Variants in SMARCA2 observed in about 807,000 individuals in gnomAD.
SMARCA2 encodes the protein SWI/SNF-related matrix-associated actin-dependent regulator of chromatin subfamily A member 2.
Under a neutral mutation model 199.8 loss-of-function variants are expected in SMARCA2, and 61 were observed. That is an observed-to-expected ratio of 0.31 (90% CI 0.25 to 0.38). The LOEUF is 0.38. Ranked by LOEUF, SMARCA2 falls within the 10% of genes least tolerant of loss-of-function variation. SMARCA2 has a pLI of 1.00. For synonymous variants in SMARCA2, 935 were observed against 732.0 expected, an observed-to-expected ratio of 1.28 and a Z score of -4.48; for missense variants, 1,344 against 2,012.2, an observed-to-expected ratio of 0.67 and a Z score of 6.35.
In SMARCA2 at chr9:2,086,266, A is replaced by G. The variant is rs1396589730; in HGVS notation, c.2527-563A>G. 6.6e-6 allele frequency among the ~76,000 whole-genome samples: 1 copy of G among 152,256 alleles called. No homozygotes were observed. Among genetic ancestry groups the G allele is most frequent in the East Asian group, 1.9e-4 (1 of 5,204 alleles). The stretch of plus-strand genomic sequence containing the variant: ...GTCCAACTTTTAAATGTTAGCAACC[A>G]GTCCAAACAAAACAAAACACACTTC... On this transcript the variant is annotated intron_variant, in intron 17 of 33. Coordinates refer to ENST00000349721, the MANE Select transcript of SMARCA2 (RefSeq NM_003070.5). This position sits in a 1 kb window ranked among gnomAD's most constrained non-coding sequence, Gnocchi z 4.3.
At chr9:2,093,954 C>G (rs565059579) in intron 19 of SMARCA2, among the ~76,000 whole-genome samples, 1 of 152,276 alleles carries the variant, frequency 6.6e-6, no homozygotes, top group African/African-American at 2.4e-5. Flanking sequence ...TTCAGCATGT[C>G]TTCTTGTTTT....
At chr9:2,120,020 A>T (rs943056706) in intron 26 of SMARCA2, among the ~76,000 whole-genome samples, 3 of 152,242 alleles carry the variant, frequency 2.0e-5, no homozygotes, top group African/African-American at 7.2e-5. Flanking sequence ...CATGCTCCTT[A>T]GGGAGATAGG....
chr9:2,065,035 A>T (rs1354364868), intron 9 of SMARCA2, among the ~76,000 whole-genome samples: 2 of 152,274 alleles, frequency 1.3e-5, no homozygotes, highest in East Asian at 3.9e-4. Flanking sequence ...AATACAAAAA[A>T]TTAGCCGGGC....
chr9:2,161,615 A>G lies in SMARCA2; in HGVS notation c.3982-71A>G. The G allele has an allele frequency of 9.8e-7, 1 of 1,018,412 alleles. No homozygotes were observed. The highest frequency in any genetic ancestry group is 1.6e-5 in the African/African-American group (1 of 61,812). The allele number at this position is 1,018,412 out of a possible 1,614,324, so 63.1% of individuals were successfully genotyped here. ...TTCTAATTGTTGGAGCTATATATAA[A>G]TATACACATACTTTTTTTGTCTTGG... On this transcript the variant is annotated intron_variant, in intron 27 of 33. Transcript: ENST00000349721. This position sits in a 1 kb window ranked among gnomAD's most constrained non-coding sequence, Gnocchi z 4.7.
At chr9:2,126,032 G>C (rs1358000516) in intron 27 of SMARCA2, among the ~76,000 whole-genome samples, 1 of 152,150 alleles carries the variant, frequency 6.6e-6, no homozygotes, top group Non-Finnish European at 1.5e-5. Flanking sequence ...CTAGCATAGA[G>C]ACTCAGTGAA....
rs572195678 is a variant in SMARCA2, at chr9:2,174,039, C to T, written c.4253+3567C>T. Among the ~76,000 whole-genome samples, 27 of 152,250 alleles carry T rather than the reference C, an allele frequency of 1.8e-4. No individual in the cohort carries two copies. In the South Asian group the frequency reaches 5.4e-3, roughly 30 times the overall value. ...GGTGACTCGATACTTATTTATGGTGCTCAGCCAGTTATGCCCACGTACAGC... is the reference window on the plus strand; with the variant it reads ...GGTGACTCGATACTTATTTATGGTGTTCAGCCAGTTATGCCCACGTACAGC... On this transcript the variant is annotated intron_variant, in intron 29 of 33. Transcript: ENST00000349721.
In SMARCA2 at chr9:2,161,870, C is replaced by A; in HGVS notation, c.4166C>A (p.Ala1389Asp). The A allele has an allele frequency of 6.2e-7, 1 of 1,614,080 alleles. No homozygotes were observed. Among genetic ancestry groups the A allele is most frequent in the Non-Finnish European group, 8.5e-7 (1 of 1,179,920 alleles). ...NPPKLTKQMN[A>D]IIDTVINYKD... ...CCCAAACTGACAAAGCAGATGAACG[C>A]TATCATCGATACTGTGATAAACTAC... Residue 1389 changes from alanine (A) to aspartate (D), a missense_variant, in exon 28 of 34, where the codon GCT (alanine) becomes GAT (aspartate). This residue lies in a region of SMARCA2 where 151 missense variants were observed against 154.0 expected (regional missense o/e 0.98). Coordinates refer to ENST00000349721, the MANE Select transcript of SMARCA2 (RefSeq NM_003070.5). The surrounding 1 kb of genome is among the most constrained non-coding windows in gnomAD (Gnocchi z 4.7).
chr9:2,047,185 G>A, intron 4 of SMARCA2, 44 bp from the exon 5 acceptor site: 8 of 1,015,056 alleles, frequency 7.9e-6, no homozygotes, highest in Non-Finnish European at 9.4e-6. Context: ...TGGCCCGCGG[G>A]GCGCCGTCCC....
chr9:2,141,741 G>A (rs768713159), intron 27 of SMARCA2, among the ~76,000 whole-genome samples: 2 of 152,104 alleles, frequency 1.3e-5, no homozygotes, highest in Admixed American at 1.3e-4. Context: ...ATGCAAGTCT[G>A]TGCATAGATG....
intron 8 of SMARCA2, 43 bp downstream of exon 8, chr9:2,058,507 C>G: frequency 1.3e-6 from 2 of 1,535,936 alleles, no homozygotes; most frequent in Non-Finnish European, 1.8e-6. Flanking sequence ...ACTCAACCCA[C>G]GTCCGTCTGC....
intron 15 of SMARCA2, among the ~76,000 whole-genome samples, chr9:2,083,061 T>C (rs1821636643): frequency 6.6e-6 from 1 of 152,204 alleles, no homozygotes; most frequent in Non-Finnish European, 1.5e-5. Context: ...AATTGCTCTT[T>C]TTTAATATCA....
chr9:2,174,803 C>G (rs1586792178), intron 29 of SMARCA2, among the ~76,000 whole-genome samples: 2 of 151,592 alleles, frequency 1.3e-5, no homozygotes, highest in South Asian at 4.2e-4. Flanking sequence ...TCCAGTAGTC[C>G]TGGCTACTTA....
chr9:2,144,544 A>G (rs1230095827), intron 27 of SMARCA2, among the ~76,000 whole-genome samples: 1 of 152,134 alleles, frequency 6.6e-6, no homozygotes, highest in Non-Finnish European at 1.5e-5. Flanking sequence ...CAGATTTTAC[A>G]CCCAGGAGGA....
chr9:2,085,212 A>T (rs1347017540), intron 17 of SMARCA2, among the ~76,000 whole-genome samples: 1 of 152,174 alleles, frequency 6.6e-6, no homozygotes, highest in Non-Finnish European at 1.5e-5. Flanking sequence ...TCAGAGATGA[A>T]TTTGGCAGTG....
Position 2,119,587 on chromosome 9 carries a change from T to C in SMARCA2, c.3762+52T>C. 7.9e-7 allele frequency: 1 copy of C among 1,262,636 alleles called. No individual in the cohort carries two copies. Among genetic ancestry groups the C allele is most frequent in the South Asian group, 1.2e-5 (1 of 83,236 alleles). 78.2% of individuals were successfully genotyped at this position (1,262,636 alleles called of 1,614,324 possible). A position where few individuals can be genotyped will look rare whatever the true frequency, so the allele number is the denominator to read the frequency against. On this transcript the variant is annotated intron_variant, in intron 26 of 33. Transcript: ENST00000349721. The surrounding 1 kb of genome is among the most constrained non-coding windows in gnomAD (Gnocchi z 4.6). ...AAATGCTTTATACCTCTGCCCCTTT[T>C]TCTGTTAAGCAGAATGTCTGCAGCC...
chr9:2,064,367 C>A (rs1273856898), intron 9 of SMARCA2, among the ~76,000 whole-genome samples: 3 of 152,156 alleles, frequency 2.0e-5, no homozygotes, highest in Admixed American at 2.0e-4. Flanking sequence ...ATGTTGTCTA[C>A]CCCATAGATT....
chr9:2,061,819 CAATT>C (rs1442858589), intron 9 of SMARCA2, among the ~76,000 whole-genome samples: 4 of 152,162 alleles, frequency 2.6e-5, no homozygotes, highest in Admixed American at 6.5e-5. Flanking sequence ...TTTCAAAAAA[CAATT>C]AATTTCATGG....
chr9:2,156,842 T>A (rs1825390862), intron 27 of SMARCA2, among the ~76,000 whole-genome samples: 2 of 152,302 alleles, frequency 1.3e-5, no homozygotes, highest in South Asian at 4.1e-4. Context: ...CAAACTGAAA[T>A]TCTGACCTCA....
In SMARCA2 at chr9:2,160,864, G is replaced by A. The variant is rs774906090; in HGVS notation, c.3982-822G>A. ...TTTTCCCCTTTATTTTTCTTCTTTT[G>A]AGTTTTGAGATTTACCAGGAAAAAA... On this transcript the variant is annotated intron_variant, in intron 27 of 33. Transcript: ENST00000349721. The A allele has an allele frequency of 9.6e-4, 314 of 327,990 alleles. 2 individuals are homozygous for A. The Middle Eastern group carries it at 0.012, about 13-fold the overall frequency. 20.3% of individuals were successfully genotyped at this position (327,990 alleles called of 1,614,324 possible).
Sources: allele counts gnomAD v4.1 joint callset (sites outside exome capture counted in the v4.1 genomes callset), GRCh38; gene constraint gnomAD v4.1.1; regional missense constraint gnomAD v4.1.1; non-coding constraint Gnocchi (gnomAD v3.1); transcripts MANE v1.5; gene names NCBI Gene and HGNC (gene_info 2026-07-23, HGNC 2026-07-21).